The following SPATA17 variants were observed in gnomAD, a reference collection of about 807,000 sequenced individuals.
The protein encoded by SPATA17 is spermatogenesis-associated protein 17.
SPATA17 carries 53 observed loss-of-function variants against 62.2 expected under a neutral mutation model. That is an observed-to-expected ratio of 0.85 (90% CI 0.68 to 1.07). The LOEUF is 1.07. Ranked by LOEUF, SPATA17 falls within the 50% of genes least tolerant of loss-of-function variation. The pLI, the probability that SPATA17 is intolerant of heterozygous loss-of-function variation, is 0.00. For missense variants in SPATA17, 466 were observed against 425.5 expected (o/e 1.10, Z -0.84); for synonymous variants, 146 against 146.8 (o/e 0.99, Z 0.04).
chr1:217,779,332 A>G (rs932590671), intron 7 of SPATA17, among the ~76,000 whole-genome samples: 1 of 151,926 alleles, frequency 6.6e-6, no homozygotes, highest in Non-Finnish European at 1.5e-5. Flanking sequence ...CTACAAAATA[A>G]TGATCCCTAC....
At chr1:217,802,930 T>A (rs1674347021) in intron 9 of SPATA17, among the ~76,000 whole-genome samples, 1 of 152,190 alleles carries the variant, frequency 6.6e-6, no homozygotes, top group Non-Finnish European at 1.5e-5. Context: ...TTTCTGTTTT[T>A]GAGATGAAGT....
chr1:217,770,978 A>ATTTTTTTTTTTTTTTTTTTTTTTTT lies in SPATA17; in HGVS notation c.520-3350_520-3326dup, dbSNP rs374042087. Among the ~76,000 whole-genome samples, 26 of 50,158 alleles carry ATTTTTTTTTTTTTTTTTTTTTTTTT rather than the reference A, an allele frequency of 5.2e-4. 5 individuals are homozygous for ATTTTTTTTTTTTTTTTTTTTTTTTT. Among genetic ancestry groups the ATTTTTTTTTTTTTTTTTTTTTTTTT allele is most frequent in the East Asian group, 1.7e-3 (2 of 1,198 alleles). 32.9% of individuals were successfully genotyped at this position (50,158 alleles called of 152,430 possible). On this transcript the variant is annotated intron_variant, in intron 6 of 10. Coordinates refer to ENST00000366933, the MANE Select transcript of SPATA17 (RefSeq NM_138796.4). ...ATGTATCTATTATATAACTCATTGC[A>ATTTTTTTTTTTTTTTTTTTTTTTTT]TTTTTTTTTTTTTTTTTTTTTTTTT...
chr1:217,832,620 A>T (rs1479544239), intron 9 of SPATA17, among the ~76,000 whole-genome samples: 1 of 152,140 alleles, frequency 6.6e-6, no homozygotes, highest in Non-Finnish European at 1.5e-5. Flanking sequence ...TTAAGGATTG[A>T]CTTTTTATGA....
chr1:217,701,349 A>G (rs540495095), intron 5 of SPATA17, among the ~76,000 whole-genome samples: 15 of 150,470 alleles, frequency 1.0e-4, no homozygotes, highest in Middle Eastern at 3.4e-3. Context: ...GTGTGTGTGT[A>G]TATATATATA....
intron 5 of SPATA17, among the ~76,000 whole-genome samples, chr1:217,735,281 A>G (rs576292834): frequency 2.0e-5 from 3 of 152,232 alleles, no homozygotes; most frequent in Non-Finnish European, 4.4e-5. Context: ...AATCCAAGAC[A>G]GGTGCCAACA....
intron 4 of SPATA17, among the ~76,000 whole-genome samples, chr1:217,672,555 A>G (rs973405914): frequency 2.6e-5 from 4 of 152,162 alleles, no homozygotes; most frequent in African/African-American, 9.7e-5. Context: ...AGGCTAGTGG[A>G]GCATTTCTGA....
chr1:217,830,265 A>G (rs1675103438), intron 9 of SPATA17, among the ~76,000 whole-genome samples: 1 of 152,122 alleles, frequency 6.6e-6, no homozygotes, highest in African/African-American at 2.4e-5. Flanking sequence ...TTGGTGTGTA[A>G]TATTTTTTTA....
intron 9 of SPATA17, among the ~76,000 whole-genome samples, chr1:217,848,055 T>C (rs1191538038): frequency 1.3e-5 from 2 of 151,912 alleles, no homozygotes; most frequent in African/African-American, 4.8e-5. Context: ...GGACATAAAT[T>C]ACCAAGAGGA....
chr1:217,748,221 T>C (rs964310244), intron 6 of SPATA17, among the ~76,000 whole-genome samples: 1 of 147,504 alleles, frequency 6.8e-6, no homozygotes, highest in Non-Finnish European at 1.5e-5. Context: ...GAGAATGGTG[T>C]GAACCTGGGA....
Position 217,867,167 on chromosome 1 carries a change from T to G in SPATA17, c.*148T>G, listed in dbSNP as rs1235510560. 6.6e-6 allele frequency: 1 copy of G among 152,200 alleles called. No homozygotes were observed. The highest frequency in any genetic ancestry group is 1.5e-5 in the Non-Finnish European group (1 of 68,032). The allele number at this position is 152,200 out of a possible 1,614,324, so 9.4% of individuals were successfully genotyped here. On this transcript the variant is annotated 3_prime_UTR_variant, in exon 11 of 11. Coordinates refer to ENST00000366933, the MANE Select transcript of SPATA17 (RefSeq NM_138796.4). ...GTAGCTCTAGTCATGAATTAATTAT[T>G]GTGTGTATGTATTTGAAATCTCTTA...
chr1:217,816,011 C>A (rs1674705200), intron 9 of SPATA17, among the ~76,000 whole-genome samples: 2 of 152,000 alleles, frequency 1.3e-5, no homozygotes, highest in African/African-American at 2.4e-5. Context: ...CAAAAAAGTA[C>A]CTTATTCCAT....
intron 6 of SPATA17, among the ~76,000 whole-genome samples, chr1:217,773,792 A>G (rs1474624946): frequency 2.0e-5 from 3 of 152,066 alleles, no homozygotes; most frequent in Non-Finnish European, 4.4e-5. Flanking sequence ...TACCTGTAGC[A>G]TTATAGGTGA....
At position 217,800,542 on chromosome 1, in the gene SPATA17, G is replaced by A. The variant is rs139728342; in HGVS notation, c.873-1176G>A. On this transcript the variant is annotated intron_variant, in intron 8 of 10. Transcript: ENST00000366933. ...TAGGCTCTTATGGATACATGGACTGGGACATGAACCTGGGGATTTCATTAC... is the reference window on the plus strand; with the variant it reads ...TAGGCTCTTATGGATACATGGACTGAGACATGAACCTGGGGATTTCATTAC... 1.3e-3 allele frequency among the ~76,000 whole-genome samples: 194 copies of A among 152,126 alleles called. 2 individuals carry two copies. The Middle Eastern group carries it at 0.014, about 11-fold the overall frequency.
intron 9 of SPATA17, among the ~76,000 whole-genome samples, chr1:217,808,346 T>TACAC (rs751346889): frequency 4.4e-4 from 48 of 109,010 alleles, no homozygotes; most frequent in South Asian, 1.1e-3. Flanking sequence ...AATTAAAAAA[T>TACAC]ACACACACAC....
intron 8 of SPATA17, among the ~76,000 whole-genome samples, chr1:217,791,008 A>G (rs541462052): frequency 1.3e-5 from 2 of 152,364 alleles, no homozygotes; most frequent in Admixed American, 6.5e-5. Context: ...CTGAACTATT[A>G]CTGTATTATG....
At chr1:217,778,486 A>G (rs932258989) in intron 7 of SPATA17, among the ~76,000 whole-genome samples, 3 of 152,092 alleles carry the variant, frequency 2.0e-5, no homozygotes, top group African/African-American at 7.2e-5. Context: ...ACACCATTGC[A>G]CTCCAGCCTG....
chr1:217,678,859 T>C (rs1316928178), intron 4 of SPATA17, among the ~76,000 whole-genome samples: 2 of 152,164 alleles, frequency 1.3e-5, no homozygotes, highest in Non-Finnish European at 2.9e-5. Context: ...AATTGTTTTA[T>C]ACCAATCACT....
chr1:217,736,038 C>T (rs1238531204), intron 5 of SPATA17, among the ~76,000 whole-genome samples: 2 of 151,434 alleles, frequency 1.3e-5, no homozygotes, highest in South Asian at 2.1e-4. Flanking sequence ...TCTTTTTCCT[C>T]AAAAATATTT....
intron 7 of SPATA17, among the ~76,000 whole-genome samples, chr1:217,779,550 C>G (rs1673682749): frequency 1.3e-5 from 2 of 151,778 alleles, no homozygotes; most frequent in South Asian, 4.2e-4. Context: ...CTTCTGTCAT[C>G]TTTTCTTAAC....
Sources: gnomAD v4.1 joint callset for allele counts (sites outside exome capture counted in the v4.1 genomes callset) on GRCh38, gnomAD v4.1.1 for gene constraint, MANE v1.5 for transcripts, NCBI Gene and HGNC (gene_info 2026-07-23, HGNC 2026-07-21) for gene names.